The following KIF15 variants were observed in gnomAD, a reference collection of about 807,000 sequenced individuals.
KIF15 encodes kinesin-like protein KIF15.
In KIF15, 140 loss-of-function variants were observed where a neutral mutation model predicts 190.6. That is an observed-to-expected ratio of 0.73 (90% CI 0.64 to 0.84). The LOEUF (loss-of-function observed/expected upper bound fraction) is 0.84, where lower values mean the gene tolerates loss of function less well. Among genes scored for constraint, KIF15 ranks in the 40% least tolerant of loss-of-function variants. The pLI is 0.00. For synonymous variants in KIF15, 528 were observed against 551.3 expected (o/e 0.96, Z 0.59); for missense variants, 1,372 against 1,584.4 (o/e 0.87, Z 2.28).
At chr3:44,843,280 C>A in intron 30 of KIF15, 46 bp downstream of exon 30, 1 of 1,301,710 alleles carries the variant, frequency 7.7e-7, no homozygotes, top group Non-Finnish European at 1.1e-6. Context: ...CTTGGCCTGC[C>A]TGTGTGGAGT....
intron 30 of KIF15, among the ~76,000 whole-genome samples, chr3:44,846,433 T>C (rs2125724531): frequency 6.6e-6 from 1 of 152,272 alleles, no homozygotes; most frequent in East Asian, 1.9e-4. Context: ...TCCTGTTGAT[T>C]GCCAAATGTC....
chr3:44,768,403 G>A (rs1044020833), intron 1 of KIF15, among the ~76,000 whole-genome samples: 3 of 152,186 alleles, frequency 2.0e-5, no homozygotes, highest in African/African-American at 7.2e-5. Context: ...GAAAGATGAG[G>A]AGAGTGGAAT....
chr3:44,791,039 G>A (rs528144654), intron 7 of KIF15, among the ~76,000 whole-genome samples: 3 of 152,020 alleles, frequency 2.0e-5, no homozygotes, highest in South Asian at 2.1e-4. Flanking sequence ...TACTTTGCTC[G>A]TTTTTTTAAC....
intron 1 of KIF15, among the ~76,000 whole-genome samples, chr3:44,767,053 G>A (rs985159721): frequency 3.9e-5 from 6 of 151,916 alleles, no homozygotes; most frequent in Non-Finnish European, 7.4e-5. Context: ...CTCGTGATCC[G>A]CCCGCTTCGG....
At chr3:44,776,133 G>A (rs1379860105) in intron 3 of KIF15, among the ~76,000 whole-genome samples, 9 of 149,918 alleles carry the variant, frequency 6.0e-5, no homozygotes, top group East Asian at 6.0e-4. Flanking sequence ...AATTTCATCC[G>A]TCTCAAATAA....
intron 26 of KIF15, among the ~76,000 whole-genome samples, chr3:44,835,872 A>G (rs1698285471): frequency 6.6e-6 from 1 of 152,216 alleles, no homozygotes; most frequent in African/African-American, 2.4e-5. Flanking sequence ...TTTTACATGG[A>G]TTAGAGTTCT....
At position 44,761,853 on chromosome 3, in the gene KIF15, G is replaced by A; in HGVS notation, c.-13G>A. 6.2e-7 allele frequency: 1 copy of A among 1,614,182 alleles called. No homozygotes were observed. Among genetic ancestry groups the A allele is most frequent in the East Asian group, 2.2e-5 (1 of 44,876 alleles). ...CGGCTGCATTGTTTTCGGGATCGAG[G>A]GGTGAGGGCGCTATGGCACCCGGCT... On this transcript the variant is annotated 5_prime_UTR_variant, in exon 1 of 35. Coordinates refer to ENST00000326047, the MANE Select transcript of KIF15 (RefSeq NM_020242.3).
At chr3:44,783,996 T>C (rs1006028896) in intron 5 of KIF15, among the ~76,000 whole-genome samples, 2 of 152,358 alleles carry the variant, frequency 1.3e-5, no homozygotes, top group Admixed American at 6.5e-5. Context: ...ATAGAGACTC[T>C]GCATTTTTCT....
chr3:44,843,455 G>C (rs1698704911), intron 30 of KIF15, among the ~76,000 whole-genome samples: 1 of 152,104 alleles, frequency 6.6e-6, no homozygotes, highest in African/African-American at 2.4e-5. Flanking sequence ...TAAAGTGATT[G>C]AAATGAATTT....
At chr3:44,784,506 C>T (rs1027796852) in intron 5 of KIF15, among the ~76,000 whole-genome samples, 8 of 152,112 alleles carry the variant, frequency 5.3e-5, no homozygotes, top group African/African-American at 1.9e-4. Flanking sequence ...ATATTTATTA[C>T]CATTATTATC....
At chr3:44,778,857 C>T (rs1706023611) in intron 4 of KIF15, among the ~76,000 whole-genome samples, 1 of 151,498 alleles carries the variant, frequency 6.6e-6, no homozygotes, top group Admixed American at 6.6e-5. Context: ...TAGTGGTCGC[C>T]TGTAGTCCCA....
chr3:44,829,785 A>ATAGATGTATAT (rs1697970950), intron 24 of KIF15, among the ~76,000 whole-genome samples, 186 bp from the exon 25 acceptor site: 2 of 137,812 alleles, frequency 1.5e-5, no homozygotes, highest in African/African-American at 5.9e-5. Context: ...GTATATATAT[A>ATAGATGTATAT]ATATATGCAT....
chr3:44,809,961 G>A (rs1707716512), intron 16 of KIF15, among the ~76,000 whole-genome samples: 1 of 152,066 alleles, frequency 6.6e-6, no homozygotes, highest in African/African-American at 2.4e-5. Context: ...CAGCTACTTG[G>A]GAGGCTGAGG....
rs190958938 is a variant in KIF15 at position 44,830,735 on chromosome 3, C to G, written c.3049-161C>G. The stretch of plus-strand genomic sequence containing the variant: ...TAGAGGACTTTTCCATTTCTCTTCA[C>G]CATTCATGCACTTATTCTTCTATTC... On this transcript the variant is annotated intron_variant, in intron 25 of 34. Coordinates refer to ENST00000326047, the MANE Select transcript of KIF15 (RefSeq NM_020242.3). Among the ~76,000 whole-genome samples the G allele has an allele frequency of 3.1e-3, 465 of 152,272 alleles. 2 individuals carry two copies. Among genetic ancestry groups the G allele is most frequent in the Non-Finnish European group, 4.5e-3 (304 of 68,030 alleles).
chr3:44,826,854 CCT>C, intron 22 of KIF15: 1 of 271,072 alleles, frequency 3.7e-6, no homozygotes, highest in Non-Finnish European at 7.5e-6. Flanking sequence ...ATATTTCTTC[CCT>C]CTTTCCAGGT....
chr3:44,780,405 G>A (rs928177612), intron 4 of KIF15, among the ~76,000 whole-genome samples: 1 of 152,156 alleles, frequency 6.6e-6, no homozygotes, highest in Non-Finnish European at 1.5e-5. Flanking sequence ...AGGAAATGCT[G>A]TATTACTTGG....
chr3:44,866,280 T>C (rs1575704045), intron 6 of KIF15, among the ~76,000 whole-genome samples: 1 of 152,088 alleles, frequency 6.6e-6, no homozygotes, highest in Admixed American at 6.5e-5. Flanking sequence ...CACCATGTTA[T>C]CCAGGATAGT....
In KIF15 at chr3:44,774,508, G is replaced by C. The variant is rs763260576; in HGVS notation, c.62+71G>C. On this transcript the variant is annotated intron_variant, in intron 2 of 34. Transcript: ENST00000326047. ...GGAATATTTTTAAAATAACCATTTA[G>C]CATAGTAAAGAGTACTTATTTCAAA... The C allele has an allele frequency of 5.2e-5, 69 of 1,326,354 alleles. 1 individual carries two copies. The highest frequency in any genetic ancestry group is 7.0e-5 in the Non-Finnish European group (66 of 939,370). The allele number at this position is 1,326,354 out of a possible 1,614,324, so 82.2% of individuals were successfully genotyped here.
intron 1 of KIF15, 24 bp from the exon 2 acceptor site, chr3:44,774,370 CT>C: frequency 6.2e-7 from 1 of 1,605,160 alleles, no homozygotes; most frequent in South Asian, 1.1e-5. Context: ...TTTAAATGAC[CT>C]TTAATAACTT....
Sources: allele counts gnomAD v4.1 joint callset (sites outside exome capture counted in the v4.1 genomes callset), GRCh38; gene constraint gnomAD v4.1.1; transcripts MANE v1.5; gene names NCBI Gene and HGNC (gene_info 2026-07-23, HGNC 2026-07-21).